DISC1: variants seen among roughly 807,000 people sequenced by gnomAD.
DISC1 encodes DISC1 scaffold protein, also known as disrupted in schizophrenia 1 protein.
DISC1 carries 57 observed loss-of-function variants against 84.5 expected under a neutral mutation model. That is an observed-to-expected ratio of 0.67 (90% CI 0.55 to 0.84). The LOEUF is 0.84. Among genes scored for constraint, DISC1 ranks in the 40% least tolerant of loss-of-function variants. The pLI, the probability that DISC1 is intolerant of heterozygous loss-of-function variation, is 0.00. For synonymous variants in DISC1, 411 were observed against 415.2 expected (o/e 0.99, Z 0.12); for missense variants, 1,000 against 1,057.8 (o/e 0.95, Z 0.76).
chr1:231,682,021 A>G (rs1319492544), intron 1 of DISC1, among the ~76,000 whole-genome samples: 6 of 152,170 alleles, frequency 3.9e-5, no homozygotes, highest in African/African-American at 1.4e-4. Context: ...TTTTAATATT[A>G]TGTGCATGGG....
rs371993081 is a variant in DISC1, at chr1:231,809,442, A to C, written c.1793-8887A>C. On this transcript the variant is annotated intron_variant, in intron 8 of 12. Coordinates refer to ENST00000439617, the MANE Select transcript of DISC1 (RefSeq NM_018662.3). ...ACCTGCCCCCTTGTTATCTGCTTCC[A>C]AGAAGCAAACAGCTCAAATAATTAT... is the stretch of plus-strand genomic sequence containing the variant. Among the ~76,000 whole-genome samples the C allele has an allele frequency of 2.5e-4, 38 of 151,814 alleles. No individual in the cohort carries two copies. The East Asian group carries it at 4.3e-3, about 17-fold the overall frequency.
chr1:231,842,512 T>C (rs1319656636), intron 9 of DISC1, among the ~76,000 whole-genome samples: 1 of 152,240 alleles, frequency 6.6e-6, no homozygotes, highest in Non-Finnish European at 1.5e-5. Flanking sequence ...CCAACTCCTA[T>C]GTAGGTACTT....
chr1:231,993,691 C>T (rs1185288749), intron 10 of DISC1, among the ~76,000 whole-genome samples: 1 of 152,048 alleles, frequency 6.6e-6, no homozygotes, highest in Non-Finnish European at 1.5e-5. Context: ...AGACAGGATC[C>T]CTGCTCTCAA....
At chr1:231,733,281 TTGG>T (rs549902298) in intron 3 of DISC1, among the ~76,000 whole-genome samples, 43 of 136,908 alleles carry the variant, frequency 3.1e-4, no homozygotes, top group African/African-American at 1.2e-3. Flanking sequence ...GGTAGGAGTG[TTGG>T]TGGTGATGGC....
intron 4 of DISC1, chr1:231,750,551 A>G: frequency 3.0e-6 from 3 of 988,610 alleles, no homozygotes; most frequent in Non-Finnish European, 3.6e-6. Context: ...GATTAGTAAT[A>G]TATAGAGAGC....
At chr1:231,917,597 G>A (rs1473622188) in intron 9 of DISC1, among the ~76,000 whole-genome samples, 1 of 152,170 alleles carries the variant, frequency 6.6e-6, no homozygotes, top group Non-Finnish European at 1.5e-5. Flanking sequence ...TGAGCGCCAG[G>A]ACTGACAGTT....
rs1661579520 is a variant in DISC1 at position 231,969,252 on chromosome 1, G to C, written c.2042+10364G>C. On this transcript the variant is annotated intron_variant, in intron 10 of 12. Transcript: ENST00000439617. ...GCCAGCTGTTAGCACCTGCTGCAGA[G>C]GGTGGGAAGAAAAAGAAATGAGGTA... is the stretch of plus-strand genomic sequence containing the variant. 3.4e-5 allele frequency among the ~76,000 whole-genome samples: 5 copies of C among 146,648 alleles called. 1 individual carries two copies. In the South Asian group the frequency reaches 1.1e-3, roughly 32 times the overall value.
At chr1:231,955,823 C>T (rs1312598596) in intron 9 of DISC1, among the ~76,000 whole-genome samples, 1 of 152,114 alleles carries the variant, frequency 6.6e-6, no homozygotes, top group Non-Finnish European at 1.5e-5. Context: ...GCATTTGACC[C>T]ACCAGGAAAG....
chr1:231,815,291 A>G (rs190985574), intron 8 of DISC1: 11 of 152,324 alleles, frequency 7.2e-5, no homozygotes, highest in African/African-American at 2.4e-4. Context: ...ACCAAGAGAT[A>G]GAACAGTCTC....
chr1:231,844,728 C>T (rs1054224961), intron 9 of DISC1, among the ~76,000 whole-genome samples: 4 of 151,554 alleles, frequency 2.6e-5, no homozygotes, highest in Non-Finnish European at 5.9e-5. Context: ...AGATCAAGAC[C>T]ATCCTGGCTA....
At chr1:231,666,537 A>G (rs568032734) in intron 1 of DISC1, among the ~76,000 whole-genome samples, 49 of 152,334 alleles carry the variant, frequency 3.2e-4, no homozygotes, top group African/African-American at 1.2e-3. Context: ...TTTTAAATTT[A>G]TCATTACATA....
intron 10 of DISC1, among the ~76,000 whole-genome samples, chr1:231,996,270 A>T (rs1040871708): frequency 6.6e-6 from 1 of 151,736 alleles, no homozygotes; most frequent in Non-Finnish European, 1.5e-5. Context: ...GGTTGCGAAA[A>T]TTTTCTCCCA....
chr1:231,731,346 A>G (rs1427540413), intron 3 of DISC1, among the ~76,000 whole-genome samples: 1 of 152,244 alleles, frequency 6.6e-6, no homozygotes, highest in East Asian at 1.9e-4. Flanking sequence ...TAATATTTAT[A>G]CCTACTTTTA....
intron 9 of DISC1, among the ~76,000 whole-genome samples, chr1:231,899,414 A>G (rs531574044): frequency 1.3e-5 from 2 of 152,304 alleles, no homozygotes; most frequent in African/African-American, 4.8e-5. Flanking sequence ...GGTGTGGGCC[A>G]TGACCTCCTT....
intron 9 of DISC1, among the ~76,000 whole-genome samples, chr1:231,929,711 A>G (rs2126101859): frequency 1.3e-5 from 2 of 152,348 alleles, no homozygotes; most frequent in Middle Eastern, 3.4e-3. Flanking sequence ...CAAGGAGTTT[A>G]GGGGACAGAA....
At chr1:231,909,750 G>A (rs1017440602) in intron 9 of DISC1, among the ~76,000 whole-genome samples, 2 of 152,112 alleles carry the variant, frequency 1.3e-5, no homozygotes, top group Admixed American at 1.3e-4. Flanking sequence ...AGGAATGGTA[G>A]GTACCAGCTC....
At chr1:231,669,743 G>A (rs1014944637) in intron 1 of DISC1, among the ~76,000 whole-genome samples, 1 of 151,832 alleles carries the variant, frequency 6.6e-6, no homozygotes, top group Non-Finnish European at 1.5e-5. Flanking sequence ...GCGAGGTTGT[G>A]GAGAAAAAAA....
chr1:231,785,244 TG>T (rs2077743871), intron 6 of DISC1, among the ~76,000 whole-genome samples: 2 of 142,016 alleles, frequency 1.4e-5, no homozygotes, highest in East Asian at 2.0e-4. Context: ...TGTGTGTGTG[TG>T]TGTGTGTGTT....
chr1:232,041,231 T>C lies in DISC1; in HGVS notation c.*4400T>C, dbSNP rs1407551577. 6.6e-6 allele frequency: 1 copy of C among 152,200 alleles called. No individual in the cohort carries two copies. Among genetic ancestry groups the C allele is most frequent in the Non-Finnish European group, 1.5e-5 (1 of 68,040 alleles). The allele number at this position is 152,200 out of a possible 1,614,324, so 9.4% of individuals were successfully genotyped here. A position where few individuals can be genotyped will look rare whatever the true frequency, so the allele number is the denominator to read the frequency against. On this transcript the variant is annotated 3_prime_UTR_variant, in exon 13 of 13. Coordinates refer to ENST00000439617, the MANE Select transcript of DISC1 (RefSeq NM_018662.3). ...TGTTACAGGATGATTAATTGTACAG[T>C]TACATCACACGAAACATTTATAATA...
Sources: allele counts gnomAD v4.1 joint callset (sites outside exome capture counted in the v4.1 genomes callset), GRCh38; gene constraint gnomAD v4.1.1; transcripts MANE v1.5; gene names NCBI Gene and HGNC (gene_info 2026-07-23, HGNC 2026-07-21).